EGFLAM: variants seen among roughly 807,000 people sequenced by gnomAD.
The protein encoded by EGFLAM is pikachurin.
Under a neutral mutation model 113.1 loss-of-function variants are expected in EGFLAM, and 79 were observed. That is an observed-to-expected ratio of 0.70 (90% confidence interval 0.58 to 0.84). The LOEUF is 0.84. Ranked by LOEUF, EGFLAM falls within the 40% of genes least tolerant of loss-of-function variation. The probability of loss-of-function intolerance (pLI) is 0.00; values close to 1 mark genes in which losing one functional copy is unlikely to be tolerated. For missense variants in EGFLAM, 1,265 were observed against 1,291.6 expected (o/e 0.98, Z 0.32); for synonymous variants, 504 against 487.6 (o/e 1.03, Z -0.44).
chr5:38,448,603 C>A (rs1351544640), intron 18 of EGFLAM, among the ~76,000 whole-genome samples: 1 of 152,150 alleles, frequency 6.6e-6, no homozygotes, highest in East Asian at 1.9e-4. Flanking sequence ...TTTCAGATAA[C>A]CCTGTTACAA....
intron 17 of EGFLAM, 28 bp from the exon 18 acceptor site, chr5:38,448,273 G>A (rs1561100280): frequency 6.2e-7 from 1 of 1,613,776 alleles, no homozygotes; most frequent in East Asian, 2.2e-5. Context: ...CACATACTAT[G>A]TAACCTCCTT....
At chr5:38,335,038 C>T (rs1423277974) in intron 1 of EGFLAM, among the ~76,000 whole-genome samples, 1 of 152,000 alleles carries the variant, frequency 6.6e-6, no homozygotes, top group Admixed American at 6.6e-5. Context: ...GGGCAGCCCC[C>T]ACAAAAACTA....
chr5:38,366,136 T>G (rs1235024156), intron 5 of EGFLAM, among the ~76,000 whole-genome samples: 1 of 152,170 alleles, frequency 6.6e-6, no homozygotes, highest in Non-Finnish European at 1.5e-5. Flanking sequence ...TTCCTCCACC[T>G]AAGCCAGCAG....
In EGFLAM at chr5:38,463,998, C is replaced by T. The variant is rs1255271491; in HGVS notation, c.*12C>T. ...GTGGAGCCAAGTAACACCAGCTGGC[C>T]TTGTCCAAGGGACAGAGCCTTCTAT... On this transcript the variant is annotated 3_prime_UTR_variant, in exon 22 of 22. Coordinates refer to ENST00000322350, the MANE Select transcript of EGFLAM (RefSeq NM_152403.4). 6.2e-7 allele frequency: 1 copy of T among 1,614,168 alleles called. No homozygotes were observed. The highest frequency in any genetic ancestry group is 8.5e-7 in the Non-Finnish European group (1 of 1,180,018).
At chr5:38,276,580 A>C (rs1014638508) in intron 1 of EGFLAM, among the ~76,000 whole-genome samples, 1 of 152,184 alleles carries the variant, frequency 6.6e-6, no homozygotes. Context: ...AGACTAGATC[A>C]GAAATAAATG....
intron 12 of EGFLAM, among the ~76,000 whole-genome samples, chr5:38,424,125 G>A (rs1172536758): frequency 6.6e-6 from 1 of 152,166 alleles, no homozygotes; most frequent in Non-Finnish European, 1.5e-5. Flanking sequence ...CCAGATGGTG[G>A]TCCATCTGTC....
Position 38,418,047 on chromosome 5 carries a change from G to A in EGFLAM, c.1495-19G>A, listed in dbSNP as rs753963881. 8.1e-6 allele frequency: 13 copies of A among 1,603,256 alleles called. No individual in the cohort carries two copies. In the Admixed American group the frequency reaches 1.4e-4, roughly 17 times the overall value. Reference sequence around the variant, plus strand: ...TTTTGTTTAGTGAGAGTATTCATGAGTGGTCATCTTTCTTAAAGGGCCAAT... The same window carrying A: ...TTTTGTTTAGTGAGAGTATTCATGAATGGTCATCTTTCTTAAAGGGCCAAT... On this transcript the variant is annotated intron_variant, in intron 11 of 21. Coordinates refer to ENST00000322350, the MANE Select transcript of EGFLAM (RefSeq NM_152403.4).
At chr5:38,415,490 A>G (rs968620618) in intron 11 of EGFLAM, among the ~76,000 whole-genome samples, 1 of 152,164 alleles carries the variant, frequency 6.6e-6, no homozygotes, top group East Asian at 1.9e-4. Context: ...CCTAGGCAAC[A>G]TGGTGAAGCC....
At position 38,321,611 on chromosome 5, in the gene EGFLAM, C is replaced by T. The variant is rs112310202; in HGVS notation, c.98-15909C>T. ...GTCAACTCTTTGGTGCTGCCACTGT[C>T]TCCAGCGGCTCTTGATCTGTGGCAT... On this transcript the variant is annotated intron_variant, in intron 1 of 21. Coordinates refer to ENST00000322350, the MANE Select transcript of EGFLAM (RefSeq NM_152403.4). 1.8e-3 allele frequency among the ~76,000 whole-genome samples: 271 copies of T among 152,330 alleles called. 1 individual carries two copies. The highest frequency in any genetic ancestry group is 6.3e-3 in the African/African-American group (261 of 41,574).
At chr5:38,449,951 CTT>C (rs1444124854) in intron 18 of EGFLAM, among the ~76,000 whole-genome samples, 1 of 152,206 alleles carries the variant, frequency 6.6e-6, no homozygotes, top group Non-Finnish European at 1.5e-5. Flanking sequence ...TCCTCAGCGT[CTT>C]CTCCAGAGGC....
intron 20 of EGFLAM, chr5:38,461,304 G>A (rs1008954597): frequency 2.0e-5 from 3 of 152,132 alleles, no homozygotes; most frequent in Non-Finnish European, 4.4e-5. Flanking sequence ...TGCCTTGATG[G>A]TCTTGCATTC....
chr5:38,369,716 G>A (rs545246829), intron 5 of EGFLAM, among the ~76,000 whole-genome samples: 1 of 152,220 alleles, frequency 6.6e-6, no homozygotes, highest in African/African-American at 2.4e-5. Flanking sequence ...CTCCCAGATG[G>A]GAGCTCTAAG....
At chr5:38,400,152 A>G (rs1741069419) in intron 6 of EGFLAM, 1 of 152,242 alleles carries the variant, frequency 6.6e-6, no homozygotes, top group Non-Finnish European at 1.5e-5. Context: ...CACCCAAGCC[A>G]TTTATGTCCT....
intron 10 of EGFLAM, among the ~76,000 whole-genome samples, chr5:38,410,415 G>A (rs1172617764): frequency 6.6e-6 from 1 of 152,202 alleles, no homozygotes; most frequent in African/African-American, 2.4e-5. Flanking sequence ...CTCCTGCTGA[G>A]TGAATCTGCT....
chr5:38,432,192 A>T (rs1025822202), intron 15 of EGFLAM, among the ~76,000 whole-genome samples: 2 of 152,222 alleles, frequency 1.3e-5, no homozygotes, highest in African/African-American at 4.8e-5. Context: ...GTGTAAAGGA[A>T]GATTTGCAAA....
At chr5:38,445,532 C>A in intron 17 of EGFLAM, 1 of 1,565,736 alleles carries the variant, frequency 6.4e-7, no homozygotes, top group Non-Finnish European at 8.6e-7. Context: ...ATTCACATTC[C>A]CTAAGAGGAC....
At chr5:38,321,052 A>C (rs1349433370) in intron 1 of EGFLAM, among the ~76,000 whole-genome samples, 2 of 152,064 alleles carry the variant, frequency 1.3e-5, no homozygotes, top group Admixed American at 1.3e-4. Flanking sequence ...TATGTACTTT[A>C]TTTCTATTAT....
chr5:38,434,461 G>A (rs1029248291), intron 15 of EGFLAM, among the ~76,000 whole-genome samples: 7 of 152,194 alleles, frequency 4.6e-5, no homozygotes, highest in African/African-American at 1.4e-4. Context: ...GCATATTGTA[G>A]TATGTGCCTA....
intron 20 of EGFLAM, 32 bp downstream of exon 20, chr5:38,458,426 A>G: frequency 6.2e-7 from 1 of 1,606,022 alleles, no homozygotes; most frequent in African/African-American, 1.3e-5. Context: ...AGGCAGAGCC[A>G]GAGCTGAGCA....
Sources: gnomAD v4.1 joint callset for allele counts (sites outside exome capture counted in the v4.1 genomes callset) on GRCh38, gnomAD v4.1.1 for gene constraint, MANE v1.5 for transcripts, NCBI Gene and HGNC (gene_info 2026-07-23, HGNC 2026-07-21) for gene names.